The following POLA1 variants were observed in gnomAD, a reference collection of about 807,000 sequenced individuals.
POLA1 encodes the protein DNA polymerase alpha 1, catalytic subunit.
A neutral mutation model predicts 124.0 loss-of-function variants in POLA1; 15 were observed. The ratio of observed to expected loss-of-function variants is 0.12; its 90% CI spans 0.08 to 0.19. POLA1 has a LOEUF of 0.19. POLA1 is among the 10% of genes least tolerant of loss of function. The pLI is 1.00. For missense variants in POLA1, 886 were observed against 1,103.4 expected, an observed-to-expected ratio of 0.80 and a Z score of 2.79; for synonymous variants, 408 against 389.4, an observed-to-expected ratio of 1.05 and a Z score of -0.56.
At chrX:24,889,709 G>A (rs1337368748) in intron 35 of POLA1, among the ~76,000 whole-genome samples, 4 of 112,052 alleles carry the variant, frequency 3.6e-5, no homozygotes, top group Non-Finnish European at 5.6e-5. Flanking sequence ...TTTAGAAATG[G>A]AGTCCTGCTA....
intron 36 of POLA1, among the ~76,000 whole-genome samples, chrX:24,961,970 A>G (rs2048173452): frequency 8.9e-6 from 1 of 111,929 alleles, no homozygotes; most frequent in Non-Finnish European, 1.9e-5. Flanking sequence ...ACAAACTATA[A>G]TGCTACCACC....
chrX:24,781,658 AT>A (rs1442274326), intron 26 of POLA1, among the ~76,000 whole-genome samples: 1 of 111,740 alleles, frequency 8.9e-6, no homozygotes, highest in Admixed American at 9.5e-5. Context: ...AAAAACGAAC[AT>A]TTTGAGTACT....
intron 26 of POLA1, chrX:24,775,346 C>G (rs1232789148): frequency 8.9e-6 from 1 of 111,995 alleles, no homozygotes; most frequent in African/African-American, 3.2e-5. Flanking sequence ...AGTTGCTGCT[C>G]TGTGTGCCAG....
At chrX:24,718,586 A>G (rs1009808472) in intron 10 of POLA1, among the ~76,000 whole-genome samples, 1 of 112,461 alleles carries the variant, frequency 8.9e-6, no homozygotes, top group Non-Finnish European at 1.9e-5. Context: ...TGAATCTTCT[A>G]AGAGCAATGG....
At chrX:24,845,447 C>T (rs182569316) in intron 34 of POLA1, among the ~76,000 whole-genome samples, 163 of 111,916 alleles carry the variant, frequency 1.5e-3, no homozygotes, top group African/African-American at 5.1e-3. Context: ...TGGCAGAGAA[C>T]GAAATCCGTT....
intron 26 of POLA1, among the ~76,000 whole-genome samples, chrX:24,751,945 ATAAAT>A: frequency 8.9e-6 from 1 of 112,040 alleles, no homozygotes; most frequent in Non-Finnish European, 1.9e-5. Context: ...TCCTTGTGGG[ATAAAT>A]TAGATTAAGT....
intron 18 of POLA1, among the ~76,000 whole-genome samples, chrX:24,737,101 T>C (rs1931325859): frequency 8.9e-6 from 1 of 111,877 alleles, no homozygotes; most frequent in African/African-American, 3.3e-5. Context: ...AGTGGTATTA[T>C]ATATTTATCT....
intron 26 of POLA1, among the ~76,000 whole-genome samples, chrX:24,779,294 G>A (rs1253318287): frequency 9.0e-6 from 1 of 111,466 alleles, no homozygotes; most frequent in South Asian, 3.8e-4. Context: ...GGCCAGGCTG[G>A]TCTCGAGCTC....
chrX:24,775,669 A>G (rs1464555378), intron 26 of POLA1, among the ~76,000 whole-genome samples: 1 of 111,894 alleles, frequency 8.9e-6, no homozygotes, highest in Non-Finnish European at 1.9e-5. Flanking sequence ...GTAGTCTTCA[A>G]TAGGAGGATT....
At chrX:24,696,349 T>A (rs909676716) in intron 1 of POLA1, among the ~76,000 whole-genome samples, 2 of 112,098 alleles carry the variant, frequency 1.8e-5, no homozygotes, top group African/African-American at 6.5e-5. Context: ...GCCACAAAAA[T>A]GGGCCAGTGA....
At chrX:24,932,105 GC>G (rs2047792011) in intron 36 of POLA1, among the ~76,000 whole-genome samples, 1 of 111,715 alleles carries the variant, frequency 9.0e-6, no homozygotes, top group Admixed American at 9.5e-5. Flanking sequence ...CACCTTGTTG[GC>G]CAGGCTGGCC....
intron 26 of POLA1, among the ~76,000 whole-genome samples, chrX:24,806,512 G>C (rs1324675291): frequency 9.0e-6 from 1 of 110,696 alleles, no homozygotes; most frequent in African/African-American, 3.3e-5. Flanking sequence ...GGGTCAGACT[G>C]GTTGTGGGTT....
In POLA1 at chrX:24,714,546, T is replaced by G; in HGVS notation, c.347-8T>G. The G allele has an allele frequency of 9.0e-7, 1 of 1,106,968 alleles. No homozygotes were observed. Among genetic ancestry groups the G allele is most frequent in the Non-Finnish European group, 1.2e-6 (1 of 812,635 alleles). The allele number at this position is 1,106,968 out of a possible 1,213,427, so 91.2% of individuals were successfully genotyped here. On this transcript the variant is annotated splice_region_variant and splice_polypyrimidine_tract_variant and intron_variant, in intron 4 of 36. Transcript: ENST00000379068. ...ATGCATGTTTCTAAATAATTCATAT[T>G]CCAATAGGAAAAGATGGTAAAGCAC... is the stretch of plus-strand genomic sequence containing the variant.
intron 36 of POLA1, among the ~76,000 whole-genome samples, chrX:24,990,765 T>C (rs2048526582): frequency 8.9e-6 from 1 of 111,924 alleles, no homozygotes; most frequent in Non-Finnish European, 1.9e-5. Context: ...GAGCGCGTTT[T>C]GTAGGAAATG....
Position 24,995,834 on chromosome X carries a change from A to G in POLA1, c.4291A>G (p.Lys1431Glu). The G allele has an allele frequency of 8.3e-7, 1 of 1,207,898 alleles. No individual in the cohort carries two copies. Among genetic ancestry groups the G allele is most frequent in the Non-Finnish European group, 1.1e-6 (1 of 892,459 alleles). The change falls in exon 37 of 37, where the codon AAA (lysine) becomes GAA (glutamate). Residue 1431 changes from lysine (K) to glutamate (E), a missense_variant. Lys to Glu is a moderately conservative substitution (Grantham distance 56). Transcript: ENST00000379068. The stretch of plus-strand genomic sequence containing the variant: ...ATTGAAGAAGCAATTTTTTACCCCC[A>G]AAGTTCTGCAGGACTACAGAAAACT... ...DKLKKQFFTP[K>E]VLQDYRKLKN...
intron 36 of POLA1, among the ~76,000 whole-genome samples, chrX:24,980,667 C>CTT (rs780833296): frequency 6.2e-5 from 6 of 97,504 alleles, no homozygotes; most frequent in African/African-American, 2.2e-4. Flanking sequence ...TTGTATGTGG[C>CTT]TTTTTTTTTT....
intron 26 of POLA1, among the ~76,000 whole-genome samples, chrX:24,764,242 G>C: frequency 8.9e-6 from 1 of 112,399 alleles, no homozygotes; most frequent in Non-Finnish European, 1.9e-5. Flanking sequence ...ACCTTCTACC[G>C]TTCTGTCTGC....
At chrX:24,824,170 C>T (rs2046135288) in intron 31 of POLA1, among the ~76,000 whole-genome samples, 1 of 112,236 alleles carries the variant, frequency 8.9e-6, no homozygotes, top group African/African-American at 3.2e-5. Flanking sequence ...CAAATTACTA[C>T]ATGGGCACTT....
At chrX:24,709,296 C>G (rs1312562146) in intron 4 of POLA1, among the ~76,000 whole-genome samples, 15 of 74,974 alleles carry the variant, frequency 2.0e-4, no homozygotes, top group Non-Finnish European at 3.3e-4. Context: ...GGGGGGCTGA[C>G]CCCCCCACCT....
Sources: gnomAD v4.1 joint callset for allele counts (sites outside exome capture counted in the v4.1 genomes callset) on GRCh38, gnomAD v4.1.1 for gene constraint, MANE v1.5 for transcripts, NCBI Gene and HGNC (gene_info 2026-07-23, HGNC 2026-07-21) for gene names.